The following CKAP5 variants were observed in gnomAD, a reference collection of about 807,000 sequenced individuals.
CKAP5 encodes the protein cytoskeleton-associated protein 5.
Under a neutral mutation model 232.8 loss-of-function variants are expected in CKAP5, and 27 were observed. The observed-to-expected ratio is 0.12, with a 90% CI of 0.09 to 0.16. The LOEUF is 0.16. Among genes scored for constraint, CKAP5 ranks in the 10% least tolerant of loss-of-function variants. The pLI is 1.00. For synonymous variants in CKAP5, 785 were observed against 841.1 expected (o/e 0.93, Z 1.16); for missense variants, 1,838 against 2,424.7 (o/e 0.76, Z 5.08).
At chr11:46,776,598 T>C (rs1443954462) in intron 23 of CKAP5, among the ~76,000 whole-genome samples, 1 of 152,224 alleles carries the variant, frequency 6.6e-6, no homozygotes, top group Non-Finnish European at 1.5e-5. Flanking sequence ...GTAAAACTTG[T>C]GTACTCAGTT....
chr11:46,839,489 T>G (rs1296619033), intron 1 of CKAP5, among the ~76,000 whole-genome samples: 1 of 152,230 alleles, frequency 6.6e-6, no homozygotes, highest in African/African-American at 2.4e-5. Flanking sequence ...AACTCAATTT[T>G]TATGCGTCCC....
rs1336233830 is a variant in CKAP5 at position 46,751,297 on chromosome 11, A to G, written c.5323-42T>C. ...CATGACTGATAGCACTGCCATTTCC[A>G]TGATTTTCTCTCAAGCTCCCTCAGA... On this transcript the variant is annotated intron_variant, in intron 39 of 43. Coordinates refer to ENST00000529230, the MANE Select transcript of CKAP5 (RefSeq NM_001008938.4). 3.1e-6 allele frequency: 5 copies of G among 1,614,064 alleles called. No individual in the cohort carries two copies. The Middle Eastern group carries it at 6.6e-4, about 213-fold the overall frequency.
Position 46,752,851 on chromosome 11 carries a change from T to A in CKAP5, c.5058-141A>T. On this transcript the variant is annotated intron_variant, in intron 37 of 43. Coordinates refer to ENST00000529230, the MANE Select transcript of CKAP5 (RefSeq NM_001008938.4). ...GGATCAGGAATTGTCCTGGACTACC[T>A]GACATTCAGTTAAGAAAATAAACAT... 4 of 593,514 alleles carry A rather than the reference T, an allele frequency of 6.7e-6. No homozygotes were observed. The South Asian group carries it at 9.4e-5, about 14-fold the overall frequency. 36.8% of individuals were successfully genotyped at this position (593,514 alleles called of 1,614,324 possible).
At chr11:46,831,241 ATTT>A (rs925020687) in intron 1 of CKAP5, among the ~76,000 whole-genome samples, 68 of 151,962 alleles carry the variant, frequency 4.5e-4, no homozygotes, top group African/African-American at 1.6e-3. Flanking sequence ...ATATTATTAA[ATTT>A]TTTTCATTTA....
intron 4 of CKAP5, among the ~76,000 whole-genome samples, chr11:46,815,595 C>T (rs374291482): frequency 1.3e-5 from 2 of 152,328 alleles, no homozygotes; most frequent in African/African-American, 4.8e-5. Context: ...CTGCCCCCAA[C>T]TGAAAAGCCT....
chr11:46,793,832 G>A (rs1035937602), intron 13 of CKAP5, among the ~76,000 whole-genome samples: 3 of 152,090 alleles, frequency 2.0e-5, no homozygotes, highest in Admixed American at 1.3e-4. Flanking sequence ...GCTGAGAATC[G>A]CTTGAGGAGG....
intron 40 of CKAP5, 30 bp from the exon 41 acceptor site, chr11:46,750,641 G>A: frequency 6.5e-7 from 1 of 1,549,388 alleles, no homozygotes; most frequent in Non-Finnish European, 8.9e-7. Context: ...AGGAAGAATT[G>A]GTTAGACTTG....
intron 41 of CKAP5, 35 bp from the exon 42 acceptor site, chr11:46,750,468 A>G (rs1029623251): frequency 2.0e-5 from 32 of 1,612,912 alleles, no homozygotes; most frequent in Non-Finnish European, 2.5e-5. Context: ...GTGGGGATGA[A>G]TGTTAGTGTC....
In CKAP5 at chr11:46,811,150, T is replaced by C; in HGVS notation, c.487A>G (p.Lys163Glu). ...TTTGGCAACACTTTGATAATTGGCT[T>C]AAGCAAGATGATTTTGGAACCAAAT... is the stretch of plus-strand genomic sequence containing the variant. ...SEFGSKIILLKPIIKVLPKLF... is the reference protein window; with the variant it reads ...SEFGSKIILLEPIIKVLPKLF... The change falls in exon 5 of 44, where the codon AAG (lysine) becomes GAG (glutamate). Residue 163 changes from lysine to glutamate, a missense_variant. Lys to Glu is a moderately conservative substitution (Grantham distance 56). Coordinates refer to ENST00000529230, the MANE Select transcript of CKAP5 (RefSeq NM_001008938.4). The C allele has an allele frequency of 6.2e-7, 1 of 1,613,322 alleles. No homozygotes were observed. The highest frequency in any genetic ancestry group is 8.5e-7 in the Non-Finnish European group (1 of 1,179,782).
intron 1 of CKAP5, among the ~76,000 whole-genome samples, chr11:46,837,026 G>C (rs1471659183): frequency 1.3e-5 from 2 of 152,312 alleles, no homozygotes; most frequent in Admixed American, 1.3e-4. Context: ...AAAAGGTTCT[G>C]ACCTAAGTAG....
rs946352422 is a variant in CKAP5, at chr11:46,744,074, G to A, written c.6048C>T (p.Asn2016=). The A allele has an allele frequency of 1.7e-5, 27 of 1,613,896 alleles. No individual in the cohort carries two copies. The highest frequency in any genetic ancestry group is 1.4e-4 in the South Asian group (13 of 91,074). ...CCAGTCTTTTTTTCAAGTCGTCTAT[G>A]TTAGCTGTGGAGGAGGAGGAGGTCA... ...GTVTSSSSTA[N]IDDLKKRLER... is the part of the protein sequence containing the mutation. The change falls in exon 44 of 44, where the codon AAC becomes AAT. Residue 2016 remains asparagine (N), a synonymous_variant. Transcript: ENST00000529230.
At chr11:46,767,265 C>T (rs1428516537) in intron 27 of CKAP5, among the ~76,000 whole-genome samples, 2 of 152,192 alleles carry the variant, frequency 1.3e-5, no homozygotes, top group African/African-American at 4.8e-5. Flanking sequence ...GGTGATCCGC[C>T]TGCCTCGGCC....
At chr11:46,753,626 C>T in intron 36 of CKAP5, 129 bp from the exon 37 acceptor site, 1 of 669,102 alleles carries the variant, frequency 1.5e-6, no homozygotes, top group Non-Finnish European at 2.4e-6. Context: ...TCCTCTGTCG[C>T]CCAGGCTGGA....
At chr11:46,829,834 TTGTATGTGTGTGTG>T (rs1337198865) in intron 1 of CKAP5, among the ~76,000 whole-genome samples, 3 of 110,628 alleles carry the variant, frequency 2.7e-5, no homozygotes, top group Admixed American at 1.0e-4. Flanking sequence ...AATTCCTTTT[TTGTATGTGTGTGTG>T]TGTGTGTGTG....
At chr11:46,769,206 A>G (rs1038509671) in intron 26 of CKAP5, among the ~76,000 whole-genome samples, 2 of 152,244 alleles carry the variant, frequency 1.3e-5, no homozygotes, top group African/African-American at 2.4e-5. Context: ...AGCATGAGCC[A>G]CTGTGCCCAG....
chr11:46,770,692 G>T, intron 25 of CKAP5, 96 bp downstream of exon 25: 1 of 1,122,670 alleles, frequency 8.9e-7, no homozygotes, highest in Non-Finnish European at 1.3e-6. Context: ...GCCTCCCAAA[G>T]TGTTGGGATT....
Position 46,809,775 on chromosome 11 carries a change from G to C in CKAP5, c.730C>G (p.Gln244Glu). The change falls in exon 6 of 44, where the codon CAA (glutamine) becomes GAA (glutamate). Residue 244 changes from glutamine (Q) to glutamate (E), a missense_variant. Physicochemically the swap from Gln to Glu is conservative, Grantham distance 29 (BLOSUM62 2). This residue lies in a region of CKAP5 where 285 missense variants were observed against 300.0 expected (regional missense o/e 0.95). Coordinates refer to ENST00000529230, the MANE Select transcript of CKAP5 (RefSeq NM_001008938.4). ...SQQELEAKLEQQQSAGGDAEG... is the reference protein window; with the variant it reads ...SQQELEAKLEEQQSAGGDAEG... ...GCATCTCCACCAGCAGACTGTTGTT[G>C]TTCCAATTTAGCTTCTAGTTCTTGT... 1.9e-6 allele frequency: 3 copies of C among 1,614,120 alleles called. No individual in the cohort carries two copies. The highest frequency in any genetic ancestry group is 2.2e-5 in the East Asian group (1 of 44,878).
At chr11:46,809,917 C>A (rs1445905882) in intron 5 of CKAP5, 43 bp from the exon 6 acceptor site, 10 of 1,555,322 alleles carry the variant, frequency 6.4e-6, no homozygotes, top group Non-Finnish European at 7.9e-6. Context: ...TGCATCTCCA[C>A]CATTAGTTAA....
At chr11:46,770,267 G>C in intron 25 of CKAP5, 169 bp from the exon 26 acceptor site, 1 of 666,060 alleles carries the variant, frequency 1.5e-6, no homozygotes, top group Middle Eastern at 4.1e-4. Context: ...ACATTATGAA[G>C]TCACACTAAG....
Sources: gnomAD v4.1 joint callset for allele counts (sites outside exome capture counted in the v4.1 genomes callset) on GRCh38, gnomAD v4.1.1 for gene constraint, gnomAD v4.1.1 regional missense constraint, MANE v1.5 for transcripts, NCBI Gene and HGNC (gene_info 2026-07-23, HGNC 2026-07-21) for gene names.